Variants in KSR2 observed in about 807,000 individuals in gnomAD.
KSR2 encodes kinase suppressor of ras 2.
Under a neutral mutation model 107.8 loss-of-function variants are expected in KSR2, and 25 were observed. That is an observed-to-expected ratio of 0.23 (90% CI 0.17 to 0.32). The LOEUF (loss-of-function observed/expected upper bound fraction) is 0.32. Among genes scored for constraint, KSR2 ranks in the 10% least tolerant of loss-of-function variants. The pLI is 1.00. For missense variants in KSR2, 887 were observed against 1,268.9 expected, an observed-to-expected ratio of 0.70 and a Z score of 4.57; for synonymous variants, 480 against 507.0, an observed-to-expected ratio of 0.95 and a Z score of 0.71.
At chr12:117,785,685 A>G (rs550280496) in intron 3 of KSR2, among the ~76,000 whole-genome samples, 1 of 152,290 alleles carries the variant, frequency 6.6e-6, no homozygotes, top group African/African-American at 2.4e-5. Flanking sequence ...TGAGCTCAAT[A>G]TCAAAACGGA....
At chr12:117,959,736 G>A (rs1896607300) in intron 1 of KSR2, among the ~76,000 whole-genome samples, 1 of 152,070 alleles carries the variant, frequency 6.6e-6, no homozygotes, top group South Asian at 2.1e-4. Flanking sequence ...TTGGAGACCA[G>A]CCTGAGCAAC....
At chr12:117,476,654 CT>C in intron 16 of KSR2, 59 bp from the exon 17 acceptor site, 1 of 1,532,126 alleles carries the variant, frequency 6.5e-7, no homozygotes, top group Non-Finnish European at 8.8e-7. Context: ...ACCAGTCCCC[CT>C]GGCACTGACC....
chr12:117,787,035 A>C (rs964917309), intron 3 of KSR2, among the ~76,000 whole-genome samples: 1 of 152,100 alleles, frequency 6.6e-6, no homozygotes, highest in African/African-American at 2.4e-5. Context: ...ATCTCAAAAA[A>C]AAAAAAAATT....
intron 1 of KSR2, among the ~76,000 whole-genome samples, chr12:117,953,265 T>G (rs1355434838): frequency 6.6e-6 from 1 of 152,188 alleles, no homozygotes; most frequent in Non-Finnish European, 1.5e-5. Context: ...GCAAACATTA[T>G]GGTGGTTCCT....
At chr12:117,609,789 G>A (rs1357778762) in intron 5 of KSR2, among the ~76,000 whole-genome samples, 1 of 152,122 alleles carries the variant, frequency 6.6e-6, no homozygotes. Flanking sequence ...AAGATATTGA[G>A]CTGTATCCCT....
At chr12:117,793,926 A>AC (rs143179257) in intron 3 of KSR2, among the ~76,000 whole-genome samples, 2 of 138,880 alleles carry the variant, frequency 1.4e-5, no homozygotes, top group African/African-American at 2.8e-5. Context: ...ACATGCACAC[A>AC]CACCATGCAC....
chr12:117,793,799 G>C (rs367809042), intron 3 of KSR2, among the ~76,000 whole-genome samples: 1 of 94,342 alleles, frequency 1.1e-5, no homozygotes, highest in Admixed American at 1.2e-4. Flanking sequence ...ATGCACACAT[G>C]CAACATGCAC....
At chr12:117,516,522 A>G (rs985246744) in intron 14 of KSR2, among the ~76,000 whole-genome samples, 1 of 152,136 alleles carries the variant, frequency 6.6e-6, no homozygotes, top group Non-Finnish European at 1.5e-5. Flanking sequence ...CATTATTATT[A>G]TTGTTGTTAT....
intron 5 of KSR2, among the ~76,000 whole-genome samples, chr12:117,615,874 A>T (rs146200744): frequency 4.4e-3 from 666 of 152,332 alleles, no homozygotes; most frequent in Non-Finnish European, 8.0e-3. Flanking sequence ...TATGCAGCAG[A>T]TAATACATAC....
At position 117,531,004 on chromosome 12, in the gene KSR2, G is replaced by A. The variant is rs1875595157; in HGVS notation, c.1739C>T (p.Pro580Leu). ...KQQFIFPDVV[P>L]VPETPTRAPQ... ...CGCCCGGGTCGGCGTCTCCGGCACC[G>A]GCACCACATCTGAAAACCAGAGATT... The change falls in exon 12 of 20, where the codon CCG becomes CTG. Residue 580 changes from proline (P) to leucine (L), a missense_variant. Around this residue, in one of 8 missense-constraint regions of KSR2, gnomAD observed 308 missense variants for 506.2 expected, o/e 0.61. Transcript: ENST00000339824. 3.7e-6 allele frequency: 6 copies of A among 1,613,208 alleles called. No individual in the cohort carries two copies. Among genetic ancestry groups the A allele is most frequent in the African/African-American group, 1.3e-5 (1 of 74,890 alleles).
intron 3 of KSR2, among the ~76,000 whole-genome samples, chr12:117,794,284 TGCACTCAC>T (rs1287587768): frequency 0.026 from 1,521 of 57,938 alleles, 147 homozygotes; most frequent in African/African-American, 0.04. Context: ...CACACCAACA[TGCACTCAC>T]ACACCAACAT....
At chr12:117,758,892 A>C (rs1888897758) in intron 4 of KSR2, among the ~76,000 whole-genome samples, 1 of 151,668 alleles carries the variant, frequency 6.6e-6, no homozygotes, top group African/African-American at 2.4e-5. Context: ...TAGCAACCAA[A>C]CCCCAAATGC....
chr12:117,819,865 G>C (rs1891501977), intron 3 of KSR2, among the ~76,000 whole-genome samples: 1 of 151,940 alleles, frequency 6.6e-6, no homozygotes, highest in African/African-American at 2.4e-5. Context: ...AAGAAGGGAA[G>C]GAGAAAGGGC....
At chr12:117,665,386 T>C (rs570947176) in intron 5 of KSR2, among the ~76,000 whole-genome samples, 1 of 152,086 alleles carries the variant, frequency 6.6e-6, no homozygotes, top group Non-Finnish European at 1.5e-5. Flanking sequence ...AGGAAGGAGA[T>C]GTTTTTACTC....
intron 4 of KSR2, among the ~76,000 whole-genome samples, chr12:117,721,267 TA>T (rs1482429311): frequency 6.6e-6 from 1 of 152,170 alleles, no homozygotes; most frequent in Non-Finnish European, 1.5e-5. Context: ...TGTGCCCATC[TA>T]AAAATGGAAA....
chr12:117,689,013 G>A (rs969587374), intron 4 of KSR2, among the ~76,000 whole-genome samples: 4 of 152,046 alleles, frequency 2.6e-5, no homozygotes, highest in African/African-American at 9.7e-5. Flanking sequence ...GTCAAATTTG[G>A]AAGTTCCTCC....
chr12:117,480,069 G>C (rs1384885564), intron 16 of KSR2, among the ~76,000 whole-genome samples: 1 of 138,852 alleles, frequency 7.2e-6, no homozygotes, highest in Non-Finnish European at 1.5e-5. Flanking sequence ...TGTTTATCTC[G>C]AGGACTCAGA....
At chr12:117,596,370 A>C (rs1187305567) in intron 5 of KSR2, among the ~76,000 whole-genome samples, 1 of 152,142 alleles carries the variant, frequency 6.6e-6, no homozygotes, top group Non-Finnish European at 1.5e-5. Context: ...CATGGGAATT[A>C]TGGAAGCTAC....
At chr12:117,848,840 G>GAT (rs1566048381) in intron 3 of KSR2, among the ~76,000 whole-genome samples, 30 of 99,578 alleles carry the variant, frequency 3.0e-4, no homozygotes, top group South Asian at 1.8e-3. Flanking sequence ...TGGTAGTGGT[G>GAT]GTGATGGTGA....
Sources: allele counts gnomAD v4.1 joint callset (sites outside exome capture counted in the v4.1 genomes callset), GRCh38; gene constraint gnomAD v4.1.1; regional missense constraint gnomAD v4.1.1; transcripts MANE v1.5; gene names NCBI Gene and HGNC (gene_info 2026-07-23, HGNC 2026-07-21).